Variants in CELSR1 observed in about 807,000 individuals in gnomAD.
The protein encoded by CELSR1 is cadherin EGF LAG seven-pass G-type receptor 1, also known as adhesion G protein-coupled receptor C1.
Under a neutral mutation model 249.1 loss-of-function variants are expected in CELSR1, and 110 were observed. The ratio of observed to expected loss-of-function variants is 0.44; its 90% CI spans 0.38 to 0.52. The LOEUF (loss-of-function observed/expected upper bound fraction) is 0.52. Ranked by LOEUF, CELSR1 falls within the 20% of genes least tolerant of loss-of-function variation. CELSR1 has a pLI of 0.00. For synonymous variants in CELSR1, 2,113 were observed against 1,900.0 expected (o/e 1.11, Z -2.92); for missense variants, 4,109 against 4,296.4 (o/e 0.96, Z 1.22).
In CELSR1 at chr22:46,535,131, C is replaced by T. The variant is rs1413819350; in HGVS notation, c.2040G>A (p.Val680=). The T allele has an allele frequency of 1.2e-6, 2 of 1,610,988 alleles. No individual in the cohort carries two copies. The highest frequency in any genetic ancestry group is 1.7e-6 in the Non-Finnish European group (2 of 1,179,716). Residue 680 remains valine (V), a synonymous_variant, in exon 1 of 35, where the codon GTG becomes GTA. Transcript: ENST00000674500. ...STSVSITVLD[V]NDNDPVFTQP... is the part of the protein sequence containing the mutation. ...GCGTGAACACCGGGTCGTTGTCATT[C>T]ACGTCCAGCACCGTGATGGACACGC...
intron 1 of CELSR1, among the ~76,000 whole-genome samples, chr22:46,530,064 C>G (rs940611429): frequency 6.6e-6 from 1 of 151,878 alleles, no homozygotes; most frequent in African/African-American, 2.4e-5. Flanking sequence ...AATTTCAGCA[C>G]TTTGGGAGGC....
rs1052329394 is a variant in CELSR1, at chr22:46,506,846, C to G, written c.3544+26781G>C. On this transcript the variant is annotated intron_variant, in intron 1 of 34. Coordinates refer to ENST00000674500, the MANE Select transcript of CELSR1 (RefSeq NM_001378328.1). This position sits in a 1 kb window ranked among gnomAD's most constrained non-coding sequence, Gnocchi z 4.1. ...GGGGTGTCTTCTCCACGGTCTGTCACCCGCACCACCAGGACACAGCCTGCA... is the reference window on the plus strand; with the variant it reads ...GGGGTGTCTTCTCCACGGTCTGTCAGCCGCACCACCAGGACACAGCCTGCA... 6.6e-6 allele frequency among the ~76,000 whole-genome samples: 1 copy of G among 152,194 alleles called. No homozygotes were observed. Among genetic ancestry groups the G allele is most frequent in the Non-Finnish European group, 1.5e-5 (1 of 68,040 alleles).
rs367801243 is a variant in CELSR1 at position 46,412,348 on chromosome 22, C to T, written c.4612-589G>A. On this transcript the variant is annotated intron_variant, in intron 5 of 34. Coordinates refer to ENST00000674500, the MANE Select transcript of CELSR1 (RefSeq NM_001378328.1). The surrounding 1 kb of genome is among the most constrained non-coding windows in gnomAD (Gnocchi z 4.5). ...CCCCAGGAAATGAAGTTGCAGCCAA[C>T]ACCCAAGTCCTGGGGCCCCTCCTGT... Among the ~76,000 whole-genome samples the T allele has an allele frequency of 6.6e-6, 1 of 152,206 alleles. No individual in the cohort carries two copies. Among genetic ancestry groups the T allele is most frequent in the Admixed American group, 6.5e-5 (1 of 15,278 alleles).
chr22:46,441,877 G>A lies in CELSR1; in HGVS notation c.4184-2466C>T, dbSNP rs746623829. Among the ~76,000 whole-genome samples, 11 of 152,202 alleles carry A rather than the reference G, an allele frequency of 7.2e-5. No individual in the cohort carries two copies. Among genetic ancestry groups the A allele is most frequent in the South Asian group, 2.1e-4 (1 of 4,828 alleles). ...CCATTTTTAAAAATAAAGAGATCAC[G>A]GTGGCTCACGCCTGTAACCCCAGCA... On this transcript the variant is annotated intron_variant, in intron 2 of 34. Transcript: ENST00000674500. The surrounding 1 kb of genome is among the most constrained non-coding windows in gnomAD (Gnocchi z 6.1).
intron 20 of CELSR1, among the ~76,000 whole-genome samples, chr22:46,382,510 T>G (rs2078989729): frequency 6.6e-6 from 1 of 152,106 alleles, no homozygotes. Flanking sequence ...TCTCCTGACC[T>G]CATGATCCGC....
chr22:46,391,034 C>G lies in CELSR1; in HGVS notation c.6250+152G>C. The stretch of plus-strand genomic sequence containing the variant: ...GCCCTCTGCCTGCTTTGTGTATTTC[C>G]TGGTAGGGAAAAGGCGATCGGATTT... On this transcript the variant is annotated intron_variant, in intron 16 of 34. Transcript: ENST00000674500. The surrounding 1 kb of genome is among the most constrained non-coding windows in gnomAD (Gnocchi z 4.3). 3.1e-6 allele frequency: 2 copies of G among 654,520 alleles called. No homozygotes were observed. Among genetic ancestry groups the G allele is most frequent in the Non-Finnish European group, 5.2e-6 (2 of 382,084 alleles). 40.5% of individuals were successfully genotyped at this position (654,520 alleles called of 1,614,324 possible).
At chr22:46,416,837 G>C (rs2079408402) in intron 5 of CELSR1, among the ~76,000 whole-genome samples, 1 of 152,112 alleles carries the variant, frequency 6.6e-6, no homozygotes, top group South Asian at 2.1e-4. Context: ...GGGAGTTTCT[G>C]TGTGCGCACA....
chr22:46,426,137 G>A (rs2147402215), intron 5 of CELSR1, among the ~76,000 whole-genome samples: 1 of 152,366 alleles, frequency 6.6e-6, no homozygotes, highest in South Asian at 2.1e-4. Context: ...GCTGGGGAGG[G>A]CGCAGCCGGG....
chr22:46,445,502 G>T lies in CELSR1; in HGVS notation c.4184-6091C>A, dbSNP rs79126614. On this transcript the variant is annotated intron_variant, in intron 2 of 34. Coordinates refer to ENST00000674500, the MANE Select transcript of CELSR1 (RefSeq NM_001378328.1). This position sits in a 1 kb window ranked among gnomAD's most constrained non-coding sequence, Gnocchi z 4.4. ...AGAGCAAGACTGTCTCTAAAAAAAT[G>T]AATAAAAAATAAAGACACCAGTCAT... Among the ~76,000 whole-genome samples the T allele has an allele frequency of 7.2e-3, 1,095 of 152,016 alleles. 9 individuals carry two copies. Among genetic ancestry groups the T allele is most frequent in the African/African-American group, 0.025 (1,031 of 41,456 alleles).
At position 46,410,632 on chromosome 22, in the gene CELSR1, G is replaced by A; in HGVS notation, c.4770-71C>T. 2 of 1,533,908 alleles carry A rather than the reference G, an allele frequency of 1.3e-6. No homozygotes were observed. On this transcript the variant is annotated intron_variant, in intron 6 of 34. Transcript: ENST00000674500. This position sits in a 1 kb window ranked among gnomAD's most constrained non-coding sequence, Gnocchi z 6.8. ...CGGCCACGGCGGGCTGGGCTCCGCA[G>A]TTGCCTCTGTGTAGCCTCTACCACC...
intron 2 of CELSR1, among the ~76,000 whole-genome samples, chr22:46,449,676 G>GA (rs1218499316): frequency 6.6e-6 from 1 of 152,076 alleles, no homozygotes; most frequent in African/African-American, 2.4e-5. Context: ...CAGATGTTCA[G>GA]AAAAACCAAA....
rs192087122 is a variant in CELSR1 at position 46,514,157 on chromosome 22, C to A, written c.3544+19470G>T. Reference sequence around the variant, plus strand: ...TACACTTTTCTCACATCCCAGCACCCACCTGGGAAAGGTTCCTGGGGTCAG... The same window carrying A: ...TACACTTTTCTCACATCCCAGCACCAACCTGGGAAAGGTTCCTGGGGTCAG... On this transcript the variant is annotated intron_variant, in intron 1 of 34. Coordinates refer to ENST00000674500, the MANE Select transcript of CELSR1 (RefSeq NM_001378328.1). 8.2e-3 allele frequency among the ~76,000 whole-genome samples: 1,247 copies of A among 152,238 alleles called. 9 individuals carry two copies. The highest frequency in any genetic ancestry group is 0.012 in the Non-Finnish European group (805 of 68,000).
rs969627919 is a variant in CELSR1, at chr22:46,428,434, G to A, written c.4611+4959C>T. On this transcript the variant is annotated intron_variant, in intron 5 of 34. Transcript: ENST00000674500. This position sits in a 1 kb window ranked among gnomAD's most constrained non-coding sequence, Gnocchi z 5.7. ...ACCTGCTGCCCACGTAGAGGCTGCT[G>A]CCTCAAGCTCCGGCCCAGGGTCTCG... Among the ~76,000 whole-genome samples, 3 of 152,210 alleles carry A rather than the reference G, an allele frequency of 2.0e-5. No homozygotes were observed. The highest frequency in any genetic ancestry group is 4.4e-5 in the Non-Finnish European group (3 of 68,034).
rs148713945 is a variant in CELSR1 at position 46,412,554 on chromosome 22, T to A, written c.4612-795A>T. 0.016 allele frequency among the ~76,000 whole-genome samples: 2,497 copies of A among 152,286 alleles called. 40 individuals are homozygous for A. Among genetic ancestry groups the A allele is most frequent in the South Asian group, 0.032 (155 of 4,826 alleles). ...ATTGGGTACAAGAGTTCTTCTGGAA[T>A]CAGTGACCTTGGGTGAAACCTTTCC... On this transcript the variant is annotated intron_variant, in intron 5 of 34. Transcript: ENST00000674500. The surrounding 1 kb of genome is among the most constrained non-coding windows in gnomAD (Gnocchi z 4.5).
chr22:46,536,921 G>T lies in CELSR1; in HGVS notation c.250C>A (p.Arg84Ser), dbSNP rs780007815. 2.6e-6 allele frequency: 3 copies of T among 1,174,088 alleles called. No homozygotes were observed. The highest frequency in any genetic ancestry group is 4.4e-5 in the East Asian group (1 of 22,572). The allele number at this position is 1,174,088 out of a possible 1,614,324, so 72.7% of individuals were successfully genotyped here. A position where few individuals can be genotyped will look rare whatever the true frequency, so the allele number is the denominator to read the frequency against. Residue 84 changes from arginine (R) to serine (S), a missense_variant, in exon 1 of 35, where the codon CGC becomes AGC. Around this residue, in one of 7 missense-constraint regions of CELSR1, gnomAD observed 673 missense variants for 636.8 expected, o/e 1.06. Transcript: ENST00000674500. Reference sequence around the variant, plus strand: ...AAGCGGACTTGCAGCGGCAGCGGGCGCCCCGCGCCCGAGACGCGCCGACGT... The same window carrying T: ...AAGCGGACTTGCAGCGGCAGCGGGCTCCCCGCGCCCGAGACGCGCCGACGT... Reference protein sequence around the residue: ...AGRRRVSGAGRPLPLQVRLVA... With the variant: ...AGRRRVSGAGSPLPLQVRLVA...
At position 46,367,852 on chromosome 22, in the gene CELSR1, GGA is replaced by G. The variant is rs1428579299; in HGVS notation, c.7954_7955del (p.Ser2652ProfsTer94). ...HHYYGKKGIV[S>X]LLRTAFLLLL... Reference sequence around the variant, plus strand: ...GCAGGAGGAATGCGGTCCTCAGCAGGGAGCTGCGGGAGGGCAGGATCAGGCCT... The same window carrying G: ...GCAGGAGGAATGCGGTCCTCAGCAGGGCTGCGGGAGGGCAGGATCAGGCCT... On this transcript the variant is annotated frameshift_variant and splice_region_variant, in exon 28 of 35. Transcript: ENST00000674500. LOFTEE classifies it high-confidence loss of function. The G allele has an allele frequency of 6.2e-7, 1 of 1,609,164 alleles. No homozygotes were observed. The highest frequency in any genetic ancestry group is 8.5e-7 in the Non-Finnish European group (1 of 1,179,266).
rs2080159891 is a variant in CELSR1, at chr22:46,471,954, G to C, written c.3545-7609C>G. ...CTGTCCCCCGTGGTTTCATTTCTGT[G>C]TGTGAGTACAGGTCAGTTCACAGTT... On this transcript the variant is annotated intron_variant, in intron 1 of 34. Coordinates refer to ENST00000674500, the MANE Select transcript of CELSR1 (RefSeq NM_001378328.1). The surrounding 1 kb of genome is among the most constrained non-coding windows in gnomAD (Gnocchi z 4.9). Among the ~76,000 whole-genome samples, 1 of 152,158 alleles carries C rather than the reference G, an allele frequency of 6.6e-6. No homozygotes were observed. The highest frequency in any genetic ancestry group is 1.9e-4 in the East Asian group (1 of 5,176).
intron 25 of CELSR1, among the ~76,000 whole-genome samples, chr22:46,372,217 T>C (rs73448958): frequency 0.16 from 20,674 of 130,436 alleles, 2,609 homozygotes; most frequent in African/African-American, 0.37. Flanking sequence ...ACCATCCATC[T>C]ACTCACCCAT....
At chr22:46,365,427 G>T (rs765914110) in intron 31 of CELSR1, 47 bp from the exon 32 acceptor site, 2 of 1,603,356 alleles carry the variant, frequency 1.2e-6, no homozygotes, top group Non-Finnish European at 1.7e-6. Flanking sequence ...GGGAGGTGAG[G>T]GAGTCCCACC....
Sources: allele counts gnomAD v4.1 joint callset (sites outside exome capture counted in the v4.1 genomes callset), GRCh38; gene constraint gnomAD v4.1.1; regional missense constraint gnomAD v4.1.1; non-coding constraint Gnocchi (gnomAD v3.1); transcripts MANE v1.5; gene names NCBI Gene and HGNC (gene_info 2026-07-23, HGNC 2026-07-21).